Variants in NDOR1 observed in about 807,000 individuals in gnomAD.
The protein encoded by NDOR1 is NADPH-dependent diflavin oxidoreductase 1.
A neutral mutation model predicts 67.2 loss-of-function variants in NDOR1; 61 were observed. The ratio of observed to expected loss-of-function variants is 0.91; its 90% CI spans 0.74 to 1.12. The LOEUF (loss-of-function observed/expected upper bound fraction) is 1.12, where lower values mean the gene tolerates loss of function less well. Ranked by LOEUF, NDOR1 falls within the 50% of genes most tolerant of loss-of-function variation. The pLI, the probability that NDOR1 is intolerant of heterozygous loss-of-function variation, is 0.00. For missense variants in NDOR1, 878 were observed against 802.8 expected, an observed-to-expected ratio of 1.09 and a Z score of -1.13; for synonymous variants, 378 against 343.7, an observed-to-expected ratio of 1.10 and a Z score of -1.10.
At chr9:137,208,469 AAAAAC>A (rs1484474402) in intron 2 of NDOR1, among the ~76,000 whole-genome samples, 1 of 151,136 alleles carries the variant, frequency 6.6e-6, no homozygotes, top group Admixed American at 6.6e-5. Flanking sequence ...AAAAAAGACA[AAAAAC>A]AAAACAAACA....
Position 137,216,667 on chromosome 9 carries a change from CCCCCCA to C in NDOR1, c.*257_*262del. On this transcript the variant is annotated 3_prime_UTR_variant, in exon 14 of 14. Transcript: ENST00000684003. ...CCCTGACAGTGAGCTGTGTCCTCGT[CCCCCCA>C]CCCCCTTCCCAGTCAAGGTGGTGGC... The C allele has an allele frequency of 1.8e-6, 1 of 547,268 alleles. No individual in the cohort carries two copies. The allele number at this position is 547,268 out of a possible 1,614,324, so 33.9% of individuals were successfully genotyped here.
Position 137,213,883 on chromosome 9 carries a change from G to A in NDOR1, c.410+5G>A, listed in dbSNP as rs1157998258. The A allele has an allele frequency of 4.4e-6, 7 of 1,606,086 alleles. No individual in the cohort carries two copies. Among genetic ancestry groups the A allele is most frequent in the Non-Finnish European group, 5.9e-6 (7 of 1,176,524 alleles). ...CGATGACCAGCATGAGCTGGGGTGA[G>A]TCTGCGGGCGTGGTACCCGCCTCCA... On this transcript the variant is annotated splice_donor_5th_base_variant and intron_variant, in intron 4 of 13. Transcript: ENST00000684003.
intron 2 of NDOR1, among the ~76,000 whole-genome samples, chr9:137,208,425 T>C (rs1835084953): frequency 6.6e-6 from 1 of 151,704 alleles, no homozygotes; most frequent in East Asian, 1.9e-4. Flanking sequence ...CACTCCAGCC[T>C]GGGCGACAGA....
At chr9:137,213,469 A>G (rs7469085) in intron 3 of NDOR1, among the ~76,000 whole-genome samples, 98,843 of 152,012 alleles carry the variant, frequency 0.65, 32,254 homozygotes, top group Admixed American at 0.72. Flanking sequence ...AGCTGCCTCA[A>G]GTCCCTGCCC....
Position 137,215,662 on chromosome 9 carries a change from C to T in NDOR1, c.1292C>T (p.Pro431Leu). ...TGCCACCTCCTTCCTGCAATAGGAC[C>T]TGTCCGGGTGCCCCTCTGGGTGCGG... is the stretch of plus-strand genomic sequence containing the variant. ...WLASLDPGQGPVRVPLWVRPG... is the reference protein window; with the variant it reads ...WLASLDPGQGLVRVPLWVRPG... The change falls in exon 11 of 14, where the codon CCT (proline) becomes CTT (leucine). Residue 431 changes from proline (P) to leucine (L), a missense_variant. Pro to Leu is a moderately conservative substitution (Grantham distance 98). Coordinates refer to ENST00000684003, the MANE Select transcript of NDOR1 (RefSeq NM_014434.4). The T allele has an allele frequency of 6.4e-7, 1 of 1,572,802 alleles. No homozygotes were observed. Among genetic ancestry groups the T allele is most frequent in the South Asian group, 1.2e-5 (1 of 84,470 alleles).
rs1395218436 is a variant in NDOR1, at chr9:137,217,808, CTG to C, written c.*1395_*1396del. On this transcript the variant is annotated 3_prime_UTR_variant, in exon 14 of 14. Coordinates refer to ENST00000684003, the MANE Select transcript of NDOR1 (RefSeq NM_014434.4). ...CTGCCCCAGGGCCACCACCCCTGAA[CTG>C]TGCCCTGGGGCCCCCACCCTCCACC... 1 of 397,296 alleles carries C rather than the reference CTG, an allele frequency of 2.5e-6. No individual in the cohort carries two copies. The highest frequency in any genetic ancestry group is 4.4e-6 in the Non-Finnish European group (1 of 225,958). The allele number at this position is 397,296 out of a possible 1,614,324, so 24.6% of individuals were successfully genotyped here. A position where few individuals can be genotyped will look rare whatever the true frequency, so the allele number is the denominator to read the frequency against.
intron 2 of NDOR1, among the ~76,000 whole-genome samples, chr9:137,211,530 T>C (rs767199751): frequency 3.3e-5 from 5 of 152,024 alleles, no homozygotes; most frequent in Non-Finnish European, 5.9e-5. Flanking sequence ...CCAGAACCCT[T>C]TTCTCGGGAA....
At chr9:137,206,209 CGT>C (rs749079765) in intron 1 of NDOR1, 21 bp from the exon 2 acceptor site, 8 of 1,613,422 alleles carry the variant, frequency 5.0e-6, no homozygotes, top group African/African-American at 1.3e-5. Context: ...GGAGGTCTTA[CGT>C]GTGTGTGTCT....
chr9:137,212,651 A>C lies in NDOR1; in HGVS notation c.311+52A>C, dbSNP rs1343913940. ...GACGGAACAGTTCTGGGGGTCGAGC[A>C]ACAGGTGTGCTGGCAGAGGACCGAG... On this transcript the variant is annotated intron_variant, in intron 3 of 13. Transcript: ENST00000684003. The surrounding 1 kb of genome is among the most constrained non-coding windows in gnomAD (Gnocchi z 4.3). 2.6e-6 allele frequency: 4 copies of C among 1,525,620 alleles called. No homozygotes were observed. 94.5% of individuals were successfully genotyped at this position (1,525,620 alleles called of 1,614,324 possible).
rs1031411756 is a variant in NDOR1 at position 137,216,480 on chromosome 9, G to A, written c.*64G>A. 6.5e-5 allele frequency: 100 copies of A among 1,548,302 alleles called. No homozygotes were observed. The South Asian group carries it at 7.7e-4, about 12-fold the overall frequency. On this transcript the variant is annotated 3_prime_UTR_variant, in exon 14 of 14. Coordinates refer to ENST00000684003, the MANE Select transcript of NDOR1 (RefSeq NM_014434.4). ...CCTGGGAGCCCAGGAAGGCATCCACGAGGGAGCTCCTGGCCAGCAGCCGTC... is the reference window on the plus strand; with the variant it reads ...CCTGGGAGCCCAGGAAGGCATCCACAAGGGAGCTCCTGGCCAGCAGCCGTC...
chr9:137,206,114 T>C, intron 1 of NDOR1, 118 bp from the exon 2 acceptor site: 2 of 1,466,980 alleles, frequency 1.4e-6, no homozygotes, highest in Non-Finnish European at 1.9e-6. Flanking sequence ...ACGGTCTGGC[T>C]GCTCACATAA....
rs556515563 is a variant in NDOR1 at position 137,218,658 on chromosome 9, G to A, written c.*2242G>A. 2.3e-5 allele frequency: 9 copies of A among 398,498 alleles called. No homozygotes were observed. The highest frequency in any genetic ancestry group is 4.4e-5 in the Admixed American group (1 of 22,738). 24.7% of individuals were successfully genotyped at this position (398,498 alleles called of 1,614,324 possible). A position where few individuals can be genotyped will look rare whatever the true frequency, so the allele number is the denominator to read the frequency against. On this transcript the variant is annotated 3_prime_UTR_variant, in exon 14 of 14. Coordinates refer to ENST00000684003, the MANE Select transcript of NDOR1 (RefSeq NM_014434.4). ...GGCCAGGGGGCCCAGACTGGCCCAC[G>A]TCCCCATGCCTGGGTGCTGTGAGGC...
chr9:137,215,602 C>G, intron 10 of NDOR1, 57 bp from the exon 11 acceptor site: 1 of 1,603,892 alleles, frequency 6.2e-7, no homozygotes, highest in Non-Finnish European at 8.5e-7. Flanking sequence ...GGCTAGGGCC[C>G]CAGCAGACTC....
At position 137,215,037 on chromosome 9, in the gene NDOR1, A is replaced by C. The variant is rs1320216215; in HGVS notation, c.1065+19A>C. The C allele has an allele frequency of 6.2e-7, 1 of 1,611,066 alleles. No homozygotes were observed. The highest frequency in any genetic ancestry group is 1.3e-5 in the African/African-American group (1 of 74,870). ...CCTGGAGGTGAGATGGGAGGGCGGC[A>C]GGCCCAGCCCCTGAGCTACAGCCAC... On this transcript the variant is annotated intron_variant, in intron 8 of 13. Coordinates refer to ENST00000684003, the MANE Select transcript of NDOR1 (RefSeq NM_014434.4).
intron 2 of NDOR1, among the ~76,000 whole-genome samples, chr9:137,208,578 T>C (rs1835095422): frequency 6.6e-6 from 1 of 152,162 alleles, no homozygotes. Flanking sequence ...GGCTCATGCC[T>C]GTAATCCCAG....
rs770843750 is a variant in NDOR1 at position 137,214,388 on chromosome 9, T to C, written c.697T>C (p.Phe233Leu). 6.2e-7 allele frequency: 1 copy of C among 1,614,046 alleles called. No individual in the cohort carries two copies. The highest frequency in any genetic ancestry group is 1.1e-5 in the South Asian group (1 of 91,086). The change falls in exon 6 of 14, where the codon TTT becomes CTT. Residue 233 changes from phenylalanine (F) to leucine (L), a missense_variant. By Grantham distance (22) the Phe-to-Leu change is conservative (BLOSUM62 0). Transcript: ENST00000684003. ...CTTCCAGGACGTTCGGCTGATTGAGTTTGACATCTTGGGCTCTGGCATCAG... is the reference window on the plus strand; with the variant it reads ...CTTCCAGGACGTTCGGCTGATTGAGCTTGACATCTTGGGCTCTGGCATCAG... Reference protein sequence around the residue: ...SHFQDVRLIEFDILGSGISFA... With the variant: ...SHFQDVRLIELDILGSGISFA...
intron 2 of NDOR1, among the ~76,000 whole-genome samples, chr9:137,211,749 G>A (rs548202198): frequency 8.1e-4 from 123 of 152,232 alleles, no homozygotes; most frequent in South Asian, 1.5e-3. Context: ...GCTGTGGGCT[G>A]ACAAGGCCAG....
chr9:137,214,458 T>A (rs1482212901), intron 6 of NDOR1, 45 bp downstream of exon 6: 1 of 1,545,274 alleles, frequency 6.5e-7, no homozygotes. Flanking sequence ...AGGTGGGCCG[T>A]GGGTCTGGGG....
chr9:137,216,978 C>A lies in NDOR1; in HGVS notation c.*562C>A, dbSNP rs922073979. On this transcript the variant is annotated 3_prime_UTR_variant, in exon 14 of 14. Transcript: ENST00000684003. ...CTTCCTCTCCTGGTCCCAGAAAAAC[C>A]CTTGCAGTAAATGGTGGCCTCTGGG... The A allele has an allele frequency of 1.1e-5, 2 of 176,636 alleles. No homozygotes were observed. The highest frequency in any genetic ancestry group is 1.0e-4 in the South Asian group (1 of 9,664). The allele number at this position is 176,636 out of a possible 1,614,324, so 10.9% of individuals were successfully genotyped here.
Sources: gnomAD v4.1 joint callset for allele counts (sites outside exome capture counted in the v4.1 genomes callset) on GRCh38, gnomAD v4.1.1 for gene constraint, Gnocchi (gnomAD v3.1) non-coding constraint, MANE v1.5 for transcripts, NCBI Gene and HGNC (gene_info 2026-07-23, HGNC 2026-07-21) for gene names.